Variants in PPP1R15B observed in about 807,000 individuals in gnomAD.
PPP1R15B encodes protein phosphatase 1, regulatory (inhibitor) subunit 15B.
Under a neutral mutation model 53.9 loss-of-function variants are expected in PPP1R15B, and 31 were observed. The observed-to-expected ratio is 0.58, with a 90% confidence interval of 0.43 to 0.78. The LOEUF (loss-of-function observed/expected upper bound fraction) is 0.78. Among genes scored for constraint, PPP1R15B ranks in the 30% least tolerant of loss-of-function variants. The pLI, the probability that PPP1R15B is intolerant of heterozygous loss-of-function variation, is 0.00. For missense variants in PPP1R15B, 928 were observed against 849.6 expected, an observed-to-expected ratio of 1.09 and a Z score of -1.15; for synonymous variants, 345 against 329.1, an observed-to-expected ratio of 1.05 and a Z score of -0.52.
At chr1:204,406,383 T>C (rs1394301988) in intron 1 of PPP1R15B, 70 bp from the exon 2 acceptor site, 3 of 1,538,692 alleles carry the variant, frequency 1.9e-6, no homozygotes, top group Non-Finnish European at 2.6e-6. Context: ...CAATAACCCT[T>C]TATGCTACCA....
At chr1:204,398,103 T>C (rs1008750956), downstream of PPP1R15B, among the ~76,000 whole-genome samples, 1 of 152,176 alleles carries the variant, frequency 6.6e-6, no homozygotes, top group Non-Finnish European at 1.5e-5. Flanking sequence ...CTCTGGTCAC[T>C]GCGCAGACCC....
chr1:204,402,570 G>C (rs538899106), downstream of PPP1R15B, among the ~76,000 whole-genome samples: 1 of 151,822 alleles, frequency 6.6e-6, no homozygotes, highest in Non-Finnish European at 1.5e-5. Flanking sequence ...ACAGGTGTGC[G>C]CCACCATGGG....
At chr1:204,397,896 C>CA (rs34817063), downstream of PPP1R15B, among the ~76,000 whole-genome samples, 82,744 of 138,752 alleles carry the variant, frequency 0.6, 26,296 homozygotes, top group Non-Finnish European at 0.74. Flanking sequence ...GCTAGCTTTT[C>CA]AAAAAAAAAA....
In PPP1R15B at chr1:204,405,871, G is replaced by A; in HGVS notation, c.*221C>T. The A allele has an allele frequency of 7.7e-7, 1 of 1,295,218 alleles. No homozygotes were observed. Among genetic ancestry groups the A allele is most frequent in the African/African-American group, 1.5e-5 (1 of 67,334 alleles). The allele number at this position is 1,295,218 out of a possible 1,614,324, so 80.2% of individuals were successfully genotyped here. ...GCACATCCAACTAAATCAAAAAAGG[G>A]AGGATTAGAAATCACACTAGTTCAT... On this transcript the variant is annotated 3_prime_UTR_variant, in exon 2 of 2. Transcript: ENST00000367188.
In PPP1R15B at chr1:204,411,271, G is replaced by A; in HGVS notation, c.141C>T (p.Asn47=). The A allele has an allele frequency of 6.2e-7, 1 of 1,614,218 alleles. No homozygotes were observed. Among genetic ancestry groups the A allele is most frequent in the Non-Finnish European group, 8.5e-7 (1 of 1,180,042 alleles). The change falls in exon 1 of 2, where the codon AAC becomes AAT. Residue 47 remains asparagine (N), a synonymous_variant. Transcript: ENST00000367188. ...GCTGGGCAGAGGAAAGCAGTGTGGG[G>A]TTCCCGGAGTTTTCCGGGCCAAGAG... is the stretch of plus-strand genomic sequence containing the variant. ...PTPLGPENSG[N]PTLLSSAQPE... is the part of the protein sequence containing the mutation.
chr1:204,408,116 C>A (rs1674298431), intron 1 of PPP1R15B, among the ~76,000 whole-genome samples: 1 of 152,162 alleles, frequency 6.6e-6, no homozygotes, highest in Non-Finnish European at 1.5e-5. Flanking sequence ...ATAACTTGTA[C>A]AATAGATATT....
At position 204,411,728 on chromosome 1, in the gene PPP1R15B, CGACT is replaced by C. The variant is rs1333436996; in HGVS notation, c.-321_-318del. On this transcript the variant is annotated 5_prime_UTR_variant, in exon 1 of 2. Coordinates refer to ENST00000367188, the MANE Select transcript of PPP1R15B (RefSeq NM_032833.5). ...CCCCACGGCCTCGGCGATGGTTTTC[CGACT>C]GACAGAGGGTTGAAAAGCCCCTGAG... 2.3e-6 allele frequency: 1 copy of C among 434,082 alleles called. No homozygotes were observed. The highest frequency in any genetic ancestry group is 2.0e-5 in the African/African-American group (1 of 49,730). The allele number at this position is 434,082 out of a possible 1,614,324, so 26.9% of individuals were successfully genotyped here.
At chr1:204,396,313 G>A (rs544766610), downstream of PPP1R15B, among the ~76,000 whole-genome samples, 2 of 147,020 alleles carry the variant, frequency 1.4e-5, no homozygotes, top group East Asian at 2.0e-4. Context: ...TTCAAGACTA[G>A]CCTGGGCAAC....
Position 204,410,921 on chromosome 1 carries a change from C to G in PPP1R15B, c.491G>C (p.Gly164Ala). 6.2e-7 allele frequency: 1 copy of G among 1,614,006 alleles called. No homozygotes were observed. The highest frequency in any genetic ancestry group is 1.1e-5 in the South Asian group (1 of 91,072). Residue 164 changes from glycine to alanine, a missense_variant, in exon 1 of 2, where the codon GGA becomes GCA. Gly to Ala is a moderately conservative substitution (Grantham distance 60, BLOSUM62 0). Coordinates refer to ENST00000367188, the MANE Select transcript of PPP1R15B (RefSeq NM_032833.5). ...PDLKLELKAK[G>A]SALDPAAQAF... is the part of the protein sequence containing the mutation. ...CTGTGCTGCAGGGTCCAAAGCACTT[C>G]CCTTGGCCTTAAGCTCCAATTTTAG... is the stretch of plus-strand genomic sequence containing the variant.
chr1:204,409,626 C>T lies in PPP1R15B; in HGVS notation c.1786G>A (p.Val596Met). ...RDSKTPSESI[V>M]AISECHTLLS... ...AAGGTGTGACACTCAGAAATGGCCA[C>T]AATGGACTCAGATGGGGTCTTTGAG... Residue 596 changes from valine (V) to methionine (M), a missense_variant, in exon 1 of 2, where the codon GTG becomes ATG. Val to Met is a conservative substitution (Grantham distance 21). Coordinates refer to ENST00000367188, the MANE Select transcript of PPP1R15B (RefSeq NM_032833.5). The T allele has an allele frequency of 1.2e-6, 2 of 1,614,162 alleles. No individual in the cohort carries two copies. The highest frequency in any genetic ancestry group is 3.3e-5 in the Admixed American group (2 of 60,012).
downstream of PPP1R15B, chr1:204,403,312 G>C (rs754165123): frequency 5.8e-6 from 3 of 519,364 alleles, no homozygotes; most frequent in Non-Finnish European, 7.4e-6. Flanking sequence ...TACTAATCCT[G>C]CTTAGTAATT....
In PPP1R15B at chr1:204,410,606, G is replaced by A; in HGVS notation, c.806C>T (p.Pro269Leu). ...CLREDHCHPQ[P>L]LSAELIPASW... is the part of the protein sequence containing the mutation. ...GGCCGGAATGAGTTCTGCACTCAGCGGCTGGGGATGACAATGGTCCTCTCT... is the reference window on the plus strand; with the variant it reads ...GGCCGGAATGAGTTCTGCACTCAGCAGCTGGGGATGACAATGGTCCTCTCT... Residue 269 changes from proline (P) to leucine (L), a missense_variant, in exon 1 of 2, where the codon CCG becomes CTG. Transcript: ENST00000367188. 2.5e-6 allele frequency: 4 copies of A among 1,614,018 alleles called. No individual in the cohort carries two copies. Among genetic ancestry groups the A allele is most frequent in the South Asian group, 2.2e-5 (2 of 91,066 alleles).
At chr1:204,408,386 G>C (rs1472425383) in intron 1 of PPP1R15B, among the ~76,000 whole-genome samples, 2 of 152,212 alleles carry the variant, frequency 1.3e-5, no homozygotes, top group African/African-American at 4.8e-5. Context: ...TCTTTAACAT[G>C]ACTTATTCTG....
chr1:204,402,409 G>A (rs1674192493), downstream of PPP1R15B, among the ~76,000 whole-genome samples: 2 of 151,838 alleles, frequency 1.3e-5, no homozygotes, highest in Admixed American at 1.3e-4. Flanking sequence ...ATTAAAGCAT[G>A]ATTCCATCTG....
downstream of PPP1R15B, among the ~76,000 whole-genome samples, chr1:204,397,323 G>A (rs926173370): frequency 2.0e-5 from 3 of 151,996 alleles, no homozygotes; most frequent in African/African-American, 7.2e-5. Context: ...TCAGGAGTAC[G>A]AGACCACCCT....
downstream of PPP1R15B, among the ~76,000 whole-genome samples, chr1:204,397,382 C>T (rs767833763): frequency 1.5e-4 from 23 of 151,728 alleles, no homozygotes; most frequent in Non-Finnish European, 3.1e-4. Context: ...AAAAATTAGC[C>T]GGGTGTGGTG....
chr1:204,398,135 G>A (rs1277466384), downstream of PPP1R15B, among the ~76,000 whole-genome samples: 1 of 152,126 alleles, frequency 6.6e-6, no homozygotes, highest in African/African-American at 2.4e-5. Context: ...AGGAAGAAAG[G>A]AAAGAGCAAA....
chr1:204,395,887 T>C (rs900787875), downstream of PPP1R15B, among the ~76,000 whole-genome samples: 17 of 152,250 alleles, frequency 1.1e-4, no homozygotes, highest in Admixed American at 9.8e-4. Flanking sequence ...TGTGCTTATA[T>C]ATGTATATGT....
At position 204,410,682 on chromosome 1, in the gene PPP1R15B, T is replaced by A. The variant is rs756820803; in HGVS notation, c.730A>T (p.Asn244Tyr). Residue 244 changes from asparagine to tyrosine, a missense_variant, in exon 1 of 2, where the codon AAT becomes TAT. Coordinates refer to ENST00000367188, the MANE Select transcript of PPP1R15B (RefSeq NM_032833.5). The part of the protein sequence containing the change: ...LEVSYQNSDG[N>Y]SEVVGFQTLT... The stretch of plus-strand genomic sequence containing the variant: ...GTCTGGAAGCCGACTACCTCGCTAT[T>A]TCCATCACTGTTCTGATAGCTGACT... 6 of 1,613,960 alleles carry A rather than the reference T, an allele frequency of 3.7e-6. No individual in the cohort carries two copies. Among genetic ancestry groups the A allele is most frequent in the Non-Finnish European group, 5.1e-6 (6 of 1,179,970 alleles).
Sources: allele counts gnomAD v4.1 joint callset (sites outside exome capture counted in the v4.1 genomes callset), GRCh38; gene constraint gnomAD v4.1.1; transcripts MANE v1.5; gene names NCBI Gene and HGNC (gene_info 2026-07-23, HGNC 2026-07-21).